PCDHGA6: variants seen among roughly 807,000 people sequenced by gnomAD.
PCDHGA6 encodes protocadherin gamma subfamily A, 6, also known as protocadherin gamma-A6.
PCDHGA6 carries 41 observed loss-of-function variants against 60.6 expected under a neutral mutation model. The observed-to-expected ratio is 0.68, with a 90% CI of 0.53 to 0.88. The LOEUF (loss-of-function observed/expected upper bound fraction) is 0.88. Ranked by LOEUF, PCDHGA6 falls within the 40% of genes least tolerant of loss-of-function variation. The pLI, the probability that PCDHGA6 is intolerant of heterozygous loss-of-function variation, is 0.00. For synonymous variants in PCDHGA6, 594 were observed against 524.4 expected (o/e 1.13, Z -1.81); for missense variants, 1,312 against 1,203.0 (o/e 1.09, Z -1.34).
At chr5:141,415,284 G>A (rs186109113) in intron 1 of PCDHGA6, 27 of 1,614,198 alleles carry the variant, frequency 1.7e-5, no homozygotes, top group Non-Finnish European at 2.3e-5. Context: ...CGGTGGCCGC[G>A]GTCTCCTGCG....
rs201021035 is a variant in PCDHGA6 at position 141,398,584 on chromosome 5, A to G, written c.2424+22077A>G. 8.7e-5 allele frequency: 141 copies of G among 1,614,066 alleles called. 1 individual carries two copies. In the African/African-American group the frequency reaches 1.0e-3, roughly 12 times the overall value. ...GTCTGCACAGCCTGGCACAAGATTT[A>G]TACTAGAAGTAGCAGAAGATGCAGA... On this transcript the variant is annotated intron_variant, in intron 1 of 3. Transcript: ENST00000517434.
chr5:141,386,113 A>G (rs187458187), intron 1 of PCDHGA6: 12 of 152,338 alleles, frequency 7.9e-5, no homozygotes, highest in Admixed American at 2.0e-4. Context: ...TGGGCTATCA[A>G]AGTGGGAGAT....
At chr5:141,411,958 GAT>G (rs1485546812) in intron 1 of PCDHGA6, 1 of 152,192 alleles carries the variant, frequency 6.6e-6, no homozygotes, top group African/African-American at 2.4e-5. Flanking sequence ...GAAGAAAAAA[GAT>G]AAAATCTTTG....
chr5:141,494,996 C>A (rs2099758091), intron 2 of PCDHGA6, 131 bp downstream of exon 2: 2 of 1,539,742 alleles, frequency 1.3e-6, no homozygotes, highest in African/African-American at 1.4e-5. Context: ...CCAGGGAGGT[C>A]TTGGTGTGCG....
At chr5:141,438,875 A>G (rs2098071820) in intron 1 of PCDHGA6, among the ~76,000 whole-genome samples, 1 of 151,738 alleles carries the variant, frequency 6.6e-6, no homozygotes. Flanking sequence ...CAAGTTGGCC[A>G]GGCTGCTCTT....
At position 141,403,421 on chromosome 5, in the gene PCDHGA6, G is replaced by A. The variant is rs773369451; in HGVS notation, c.2424+26914G>A. ...TGGAGCACGTTATCCACTTCCAGAA[G>A]CTATTGATCCGGATGTTGGCGTGAA... On this transcript the variant is annotated intron_variant, in intron 1 of 3. Coordinates refer to ENST00000517434, the MANE Select transcript of PCDHGA6 (RefSeq NM_018919.3). 11 of 1,614,038 alleles carry A rather than the reference G, an allele frequency of 6.8e-6. No individual in the cohort carries two copies. In the East Asian group the frequency reaches 2.5e-4, roughly 36 times the overall value.
At chr5:141,478,050 CG>C in intron 1 of PCDHGA6, 1 of 1,614,184 alleles carries the variant, frequency 6.2e-7, no homozygotes, top group Non-Finnish European at 8.5e-7. Context: ...CAGACTCTCA[CG>C]GTCTTGATCA....
chr5:141,432,093 C>A lies in PCDHGA6; in HGVS notation c.2424+55586C>A. The A allele has an allele frequency of 1.2e-6, 2 of 1,614,170 alleles. No homozygotes were observed. Among genetic ancestry groups the A allele is most frequent in the Non-Finnish European group, 1.7e-6 (2 of 1,180,046 alleles). On this transcript the variant is annotated intron_variant, in intron 1 of 3. Coordinates refer to ENST00000517434, the MANE Select transcript of PCDHGA6 (RefSeq NM_018919.3). The surrounding 1 kb of genome is among the most constrained non-coding windows in gnomAD (Gnocchi z 6.0). ...CATATCTCGCTGAACGTGGCAGACA[C>A]CAACGACAACCCGCCGGTCTTCCCT...
chr5:141,500,491 G>A (rs1595677531), intron 2 of PCDHGA6, among the ~76,000 whole-genome samples: 1 of 152,156 alleles, frequency 6.6e-6, no homozygotes, highest in East Asian at 1.9e-4. Context: ...TTACAGGCGT[G>A]AGCCACCGCG....
chr5:141,422,715 T>C, intron 1 of PCDHGA6: 7 of 1,603,978 alleles, frequency 4.4e-6, no homozygotes, highest in African/African-American at 1.3e-5. Context: ...CGGATGACAC[T>C]GTCCAGGGGG....
Position 141,428,162 on chromosome 5 carries a change from G to A in PCDHGA6, c.2424+51655G>A, listed in dbSNP as rs75153946. The A allele has an allele frequency of 9.5e-4, 1,493 of 1,569,102 alleles. 9 individuals are homozygous for A. The African/African-American group carries it at 0.016, about 16-fold the overall frequency. On this transcript the variant is annotated intron_variant, in intron 1 of 3. Coordinates refer to ENST00000517434, the MANE Select transcript of PCDHGA6 (RefSeq NM_018919.3). ...GGCTGCACACGGGAACCTGCTGGTT[G>A]CTGTGCGTGACGGAGGACAGCCGCC...
intron 1 of PCDHGA6, chr5:141,422,676 A>C (rs1245488589): frequency 6.2e-7 from 1 of 1,606,500 alleles, no homozygotes; most frequent in Admixed American, 1.7e-5. Flanking sequence ...CGGACAGCAA[A>C]CAGAATGCCC....
intron 1 of PCDHGA6, among the ~76,000 whole-genome samples, chr5:141,380,589 G>C (rs1372737584): frequency 6.6e-6 from 1 of 152,156 alleles, no homozygotes; most frequent in South Asian, 2.1e-4. Flanking sequence ...GTCTAGTAAA[G>C]ATCTTTAATA....
intron 1 of PCDHGA6, chr5:141,388,825 C>G: frequency 6.2e-7 from 1 of 1,613,910 alleles, no homozygotes; most frequent in Non-Finnish European, 8.5e-7. Flanking sequence ...AAAGAATATT[C>G]CATAGTTTTG....
chr5:141,431,216 C>A lies in PCDHGA6; in HGVS notation c.2424+54709C>A. On this transcript the variant is annotated intron_variant, in intron 1 of 3. Coordinates refer to ENST00000517434, the MANE Select transcript of PCDHGA6 (RefSeq NM_018919.3). The surrounding 1 kb of genome is among the most constrained non-coding windows in gnomAD (Gnocchi z 4.8). ...AAATGCAGCCACTGAGATGCGGTTC[C>A]CTCTACCCCACGCCTGGGATCCGGA... The A allele has an allele frequency of 6.2e-7, 1 of 1,614,162 alleles. No homozygotes were observed. The highest frequency in any genetic ancestry group is 8.5e-7 in the Non-Finnish European group (1 of 1,180,048).
At chr5:141,419,723 C>G (rs373666366) in intron 1 of PCDHGA6, 1 of 1,613,174 alleles carries the variant, frequency 6.2e-7, no homozygotes, top group African/African-American at 1.3e-5. Context: ...CCTGGGGCTG[C>G]GAACAGGCGA....
At chr5:141,383,927 A>C in intron 1 of PCDHGA6, 1 of 1,613,800 alleles carries the variant, frequency 6.2e-7, no homozygotes, top group Non-Finnish European at 8.5e-7. Context: ...GTAAATGATA[A>C]TGCTCCAGAA....
rs1395556571 is a variant in PCDHGA6 at position 141,432,581 on chromosome 5, C to CT, written c.2424+56075dup. ...CCAGAACGCCTGGCTGTCCTACCGT[C>CT]TGCTCAAGGCCAGCGAGCCGGGACT... On this transcript the variant is annotated intron_variant, in intron 1 of 3. Coordinates refer to ENST00000517434, the MANE Select transcript of PCDHGA6 (RefSeq NM_018919.3). This position sits in a 1 kb window ranked among gnomAD's most constrained non-coding sequence, Gnocchi z 6.0. 6.2e-7 allele frequency: 1 copy of CT among 1,613,930 alleles called. No homozygotes were observed.
intron 2 of PCDHGA6, among the ~76,000 whole-genome samples, chr5:141,505,066 G>A (rs1312509903): frequency 6.6e-6 from 1 of 152,190 alleles, no homozygotes; most frequent in Non-Finnish European, 1.5e-5. Flanking sequence ...GGAGACTGAG[G>A]CAGGAGAATC....
Sources: allele counts gnomAD v4.1 joint callset (sites outside exome capture counted in the v4.1 genomes callset), GRCh38; gene constraint gnomAD v4.1.1; non-coding constraint Gnocchi (gnomAD v3.1); transcripts MANE v1.5; gene names NCBI Gene and HGNC (gene_info 2026-07-23, HGNC 2026-07-21).